The following TCEANC2 variants were observed in gnomAD, a reference collection of about 807,000 sequenced individuals.
The protein encoded by TCEANC2 is transcription elongation factor A N-terminal and central domain-containing protein 2.
A neutral mutation model predicts 22.8 loss-of-function variants in TCEANC2; 20 were observed. That is an observed-to-expected ratio of 0.88 (90% confidence interval 0.62 to 1.28). TCEANC2 has a LOEUF of 1.28. TCEANC2 is among the 50% of genes most tolerant of loss of function. TCEANC2 has a pLI of 0.00. For synonymous variants in TCEANC2, 84 were observed against 95.5 expected, an observed-to-expected ratio of 0.88 and a Z score of 0.70; for missense variants, 251 against 249.7, an observed-to-expected ratio of 1.01 and a Z score of -0.03.
At chr1:54,068,247 G>C (rs1344664085) in intron 2 of TCEANC2, among the ~76,000 whole-genome samples, 1 of 152,188 alleles carries the variant, frequency 6.6e-6, no homozygotes, top group Non-Finnish European at 1.5e-5. Flanking sequence ...ATTATAAATA[G>C]TGGGTTACTC....
At chr1:54,095,631 CTG>C in intron 4 of TCEANC2, among the ~76,000 whole-genome samples, 1 of 152,306 alleles carries the variant, frequency 6.6e-6, no homozygotes, top group African/African-American at 2.4e-5. Context: ...TTAATGGAAA[CTG>C]TAGGCGTCTC....
At chr1:54,088,842 A>T (rs779914212) in intron 4 of TCEANC2, 52 bp downstream of exon 4, 3 of 1,332,760 alleles carry the variant, frequency 2.3e-6, no homozygotes, top group East Asian at 2.8e-5. Context: ...ATTAATTTTT[A>T]AAAGAAGAAA....
Position 54,054,493 on chromosome 1 carries a change from T to C in TCEANC2, c.71T>C (p.Val24Ala). 6.2e-7 allele frequency: 1 copy of C among 1,613,334 alleles called. No individual in the cohort carries two copies. The highest frequency in any genetic ancestry group is 1.7e-5 in the Admixed American group (1 of 59,916). ...SPQKKDSGGK[V>A]YKQATIESLK... Reference sequence around the variant, plus strand: ...CAGAAGAAAGATTCTGGAGGAAAGGTTTACAAGCAGGCCACGATTGAATCT... The same window carrying C: ...CAGAAGAAAGATTCTGGAGGAAAGGCTTACAAGCAGGCCACGATTGAATCT... Residue 24 changes from valine (V) to alanine (A), a missense_variant, in exon 2 of 5, where the codon GTT becomes GCT. By Grantham distance (64) the Val-to-Ala change is moderately conservative (BLOSUM62 0). Transcript: ENST00000234827.
In TCEANC2 at chr1:54,097,027, C is replaced by T; in HGVS notation, c.*554C>T. ...ACTTATCTGAACGTTTCAGCTCTCC[C>T]TGGAAGACCTTCTGCGTTGGTCTCC... On this transcript the variant is annotated 3_prime_UTR_variant, in exon 5 of 5. Coordinates refer to ENST00000234827, the MANE Select transcript of TCEANC2 (RefSeq NM_153035.3). The T allele has an allele frequency of 6.1e-6, 6 of 980,214 alleles. No individual in the cohort carries two copies. The highest frequency in any genetic ancestry group is 7.3e-6 in the Non-Finnish European group (6 of 824,862). 60.7% of individuals were successfully genotyped at this position (980,214 alleles called of 1,614,324 possible).
intron 3 of TCEANC2, among the ~76,000 whole-genome samples, chr1:54,076,508 A>G (rs1306082253): frequency 1.3e-5 from 2 of 152,078 alleles, no homozygotes; most frequent in Non-Finnish European, 2.9e-5. Context: ...TCTGTCATTG[A>G]TGGGCATTTC....
At chr1:54,091,560 T>C (rs1658447717) in intron 4 of TCEANC2, among the ~76,000 whole-genome samples, 1 of 152,212 alleles carries the variant, frequency 6.6e-6, no homozygotes, top group Admixed American at 6.5e-5. Context: ...CCTTTAATAG[T>C]GAAAGCCATA....
At chr1:54,078,434 A>G (rs1658183364) in intron 3 of TCEANC2, among the ~76,000 whole-genome samples, 1 of 152,112 alleles carries the variant, frequency 6.6e-6, no homozygotes, top group Non-Finnish European at 1.5e-5. Flanking sequence ...GACCCCAGCC[A>G]TATGTCCCTT....
At position 54,105,251 on chromosome 1, in the gene TCEANC2, C is replaced by T. The variant is rs1218203169; in HGVS notation, c.*8778C>T. On this transcript the variant is annotated 3_prime_UTR_variant, in exon 5 of 5. Transcript: ENST00000234827. The stretch of plus-strand genomic sequence containing the variant: ...CCTCTTCCCACAGCTACTGGGAGTG[C>T]TCTCAGCCAGCAGCCTTCAGCTGTC... 1 of 152,530 alleles carries T rather than the reference C, an allele frequency of 6.6e-6. No individual in the cohort carries two copies. The highest frequency in any genetic ancestry group is 2.4e-5 in the African/African-American group (1 of 41,446). The allele number at this position is 152,530 out of a possible 1,614,324, so 9.4% of individuals were successfully genotyped here. A position where few individuals can be genotyped will look rare whatever the true frequency, so the allele number is the denominator to read the frequency against.
rs956404495 is a variant in TCEANC2 at position 54,073,729 on chromosome 1, G to C, written c.244+4832G>C. ...TCTGTCTGGTTGCCATGTGGGAAAA[G>C]TGTTGGACAAAAGCAAACCTAGAGG... On this transcript the variant is annotated intron_variant, in intron 3 of 4. Transcript: ENST00000234827. Among the ~76,000 whole-genome samples the C allele has an allele frequency of 2.6e-5, 4 of 152,334 alleles. No individual in the cohort carries two copies. The South Asian group carries it at 6.2e-4, about 24-fold the overall frequency.
downstream of TCEANC2, among the ~76,000 whole-genome samples, chr1:54,110,662 A>G (rs1658824969): frequency 6.6e-6 from 1 of 152,104 alleles, no homozygotes; most frequent in Admixed American, 6.5e-5. Flanking sequence ...GTCTCCGATC[A>G]CCCTAAGAAT....
In TCEANC2 at chr1:54,103,916, G is replaced by C. The variant is rs1658702500; in HGVS notation, c.*7443G>C. ...ATAGATTATGGGATCTATAGATTAT[G>C]GGATAGTCATACAGGATCCCATATG... On this transcript the variant is annotated 3_prime_UTR_variant, in exon 5 of 5. Transcript: ENST00000234827. The C allele has an allele frequency of 6.6e-6, 1 of 152,182 alleles. No individual in the cohort carries two copies. The highest frequency in any genetic ancestry group is 2.1e-4 in the South Asian group (1 of 4,830). 9.4% of individuals were successfully genotyped at this position (152,182 alleles called of 1,614,324 possible).
At chr1:54,111,257 T>C (rs1658834588) in exon 5 of TCEANC2, 1 of 152,254 alleles carries the variant, frequency 6.6e-6, no homozygotes, top group South Asian at 2.1e-4. Flanking sequence ...CCCAAGCGTG[T>C]GGACCGACAG....
chr1:54,090,981 C>T (rs377482033), intron 4 of TCEANC2, among the ~76,000 whole-genome samples: 4 of 152,174 alleles, frequency 2.6e-5, no homozygotes, highest in African/African-American at 9.6e-5. Context: ...AATGGCACAT[C>T]AAGTGGTAAG....
At chr1:54,083,412 TAGAG>T (rs1658282993) in intron 3 of TCEANC2, among the ~76,000 whole-genome samples, 1 of 151,814 alleles carries the variant, frequency 6.6e-6, no homozygotes, top group Admixed American at 6.6e-5. Context: ...GCAGAGGAGA[TAGAG>T]AGGAGAAGAG....
In TCEANC2 at chr1:54,098,618, G is replaced by T. The variant is rs998847802; in HGVS notation, c.*2145G>T. ...TAAGCTTCATGAAAGCAGAGTCTCTGTTCTGTTCCCTGTTATATCTCCAGC... is the reference window on the plus strand; with the variant it reads ...TAAGCTTCATGAAAGCAGAGTCTCTTTTCTGTTCCCTGTTATATCTCCAGC... On this transcript the variant is annotated 3_prime_UTR_variant, in exon 5 of 5. Transcript: ENST00000234827. 1 of 152,154 alleles carries T rather than the reference G, an allele frequency of 6.6e-6. No homozygotes were observed. Among genetic ancestry groups the T allele is most frequent in the African/African-American group, 2.4e-5 (1 of 41,418 alleles). 9.4% of individuals were successfully genotyped at this position (152,154 alleles called of 1,614,324 possible). A position where few individuals can be genotyped will look rare whatever the true frequency, so the allele number is the denominator to read the frequency against.
intron 4 of TCEANC2, among the ~76,000 whole-genome samples, chr1:54,089,401 G>A (rs1269006332): frequency 3.9e-5 from 6 of 152,028 alleles, no homozygotes; most frequent in African/African-American, 1.4e-4. Context: ...AAAATCAATT[G>A]GATAGACTTG....
At chr1:54,064,626 C>A (rs1657913773) in intron 2 of TCEANC2, among the ~76,000 whole-genome samples, 1 of 143,836 alleles carries the variant, frequency 7.0e-6, no homozygotes, top group Admixed American at 7.0e-5. Flanking sequence ...AATGAAGTTA[C>A]AAAATTACAC....
In TCEANC2 at chr1:54,104,461, T is replaced by C; in HGVS notation, c.*7988T>C. ...TCATCAGGAGGAGGTACAGCTGCTGTTAAGCAATGGAGGGAAGGGAGGTAT... is the reference window on the plus strand; with the variant it reads ...TCATCAGGAGGAGGTACAGCTGCTGCTAAGCAATGGAGGGAAGGGAGGTAT... On this transcript the variant is annotated 3_prime_UTR_variant, in exon 5 of 5. Transcript: ENST00000234827. 1 of 366,244 alleles carries C rather than the reference T, an allele frequency of 2.7e-6. No individual in the cohort carries two copies. Among genetic ancestry groups the C allele is most frequent in the South Asian group, 2.1e-5 (1 of 48,222 alleles). 22.7% of individuals were successfully genotyped at this position (366,244 alleles called of 1,614,324 possible).
chr1:54,087,185 A>AT (rs1021017485), intron 3 of TCEANC2, among the ~76,000 whole-genome samples: 1 of 152,162 alleles, frequency 6.6e-6, no homozygotes, highest in Non-Finnish European at 1.5e-5. Context: ...ATATTCTTCC[A>AT]TTTTTTAAAC....
Sources: gnomAD v4.1 joint callset for allele counts (sites outside exome capture counted in the v4.1 genomes callset) on GRCh38, gnomAD v4.1.1 for gene constraint, MANE v1.5 for transcripts, NCBI Gene and HGNC (gene_info 2026-07-23, HGNC 2026-07-21) for gene names.